The following MGMT variants were observed in gnomAD, a reference collection of about 807,000 sequenced individuals.
The protein encoded by MGMT is methylated-DNA--protein-cysteine methyltransferase.
Under a neutral mutation model 15.9 loss-of-function variants are expected in MGMT, and 14 were observed. The observed-to-expected ratio is 0.88, with a 90% CI of 0.58 to 1.37. The LOEUF is 1.37. Ranked by LOEUF, MGMT falls within the 40% of genes most tolerant of loss-of-function variation. The pLI is 0.00. For missense variants in MGMT, 282 were observed against 268.1 expected (o/e 1.05, Z -0.36); for synonymous variants, 130 against 118.2 (o/e 1.10, Z -0.65).
chr10:129,629,423 A>C (rs1477608465), intron 2 of MGMT, among the ~76,000 whole-genome samples: 2 of 152,148 alleles, frequency 1.3e-5, no homozygotes, highest in Non-Finnish European at 1.5e-5. Flanking sequence ...GTGGTAGTAC[A>C]TTTCACATCA....
chr10:129,525,886 T>C (rs1324332793), intron 1 of MGMT, among the ~76,000 whole-genome samples: 2 of 152,252 alleles, frequency 1.3e-5, no homozygotes, highest in Non-Finnish European at 2.9e-5. Context: ...GCTCCCGTGT[T>C]AGGCCCCCAC....
chr10:129,722,022 G>A (rs891351770), intron 3 of MGMT, among the ~76,000 whole-genome samples: 4 of 151,368 alleles, frequency 2.6e-5, no homozygotes, highest in Admixed American at 6.6e-5. Context: ...TTTTCTACTA[G>A]ACAAAAATAA....
At chr10:129,657,699 A>ACGCACG (rs1554874783) in intron 2 of MGMT, among the ~76,000 whole-genome samples, 1 of 124,816 alleles carries the variant, frequency 8.0e-6, no homozygotes, top group East Asian at 2.0e-4. Context: ...ACACACACAC[A>ACGCACG]CACACACGCA....
intron 2 of MGMT, among the ~76,000 whole-genome samples, chr10:129,559,150 T>C (rs1465782974): frequency 6.6e-6 from 1 of 152,148 alleles, no homozygotes; most frequent in Non-Finnish European, 1.5e-5. Context: ...AATCTTTAAC[T>C]CTCCTTAGGT....
intron 2 of MGMT, among the ~76,000 whole-genome samples, chr10:129,620,360 G>A (rs1370491238): frequency 1.3e-5 from 2 of 152,182 alleles, no homozygotes; most frequent in Non-Finnish European, 2.9e-5. Flanking sequence ...GGTTGTTTTG[G>A]CGTGTTGTGC....
intron 2 of MGMT, among the ~76,000 whole-genome samples, chr10:129,586,437 A>G (rs1037976470): frequency 3.9e-5 from 6 of 152,176 alleles, no homozygotes; most frequent in Admixed American, 3.3e-4. Flanking sequence ...GCACATATAT[A>G]CATATATATT....
chr10:129,674,353 C>T (rs923092191), intron 2 of MGMT, among the ~76,000 whole-genome samples: 6 of 152,170 alleles, frequency 3.9e-5, no homozygotes, highest in Non-Finnish European at 7.3e-5. Flanking sequence ...TTCAGTGCCA[C>T]ACACGTTAGC....
intron 2 of MGMT, among the ~76,000 whole-genome samples, chr10:129,694,859 C>T (rs575942019): frequency 1.3e-5 from 2 of 152,236 alleles, no homozygotes; most frequent in Admixed American, 1.3e-4. Context: ...AACTGAAAAC[C>T]CTGAGTTTCA....
chr10:129,643,204 A>C (rs1278831071), intron 2 of MGMT, among the ~76,000 whole-genome samples: 2 of 152,156 alleles, frequency 1.3e-5, no homozygotes, highest in Non-Finnish European at 1.5e-5. Flanking sequence ...CCTGAGGTTA[A>C]GCGTCCCCCA....
intron 2 of MGMT, among the ~76,000 whole-genome samples, chr10:129,567,946 C>T (rs947809073): frequency 5.3e-5 from 8 of 152,196 alleles, no homozygotes; most frequent in African/African-American, 1.9e-4. Flanking sequence ...AGAGGTTTTC[C>T]TGGATTTGTC....
chr10:129,720,402 A>G (rs1196955331), intron 3 of MGMT, among the ~76,000 whole-genome samples: 7 of 152,298 alleles, frequency 4.6e-5, no homozygotes, highest in Non-Finnish European at 4.4e-5. Context: ...GGCTCAGCAC[A>G]GCCCTCGCGG....
intron 2 of MGMT, among the ~76,000 whole-genome samples, chr10:129,609,291 G>A (rs576924144): frequency 6.7e-6 from 1 of 150,080 alleles, no homozygotes; most frequent in African/African-American, 2.5e-5. Context: ...TCGTTGGCCC[G>A]ATCTGGAGCC....
At chr10:129,666,658 T>C (rs2133109436) in intron 2 of MGMT, among the ~76,000 whole-genome samples, 1 of 152,362 alleles carries the variant, frequency 6.6e-6, no homozygotes, top group African/African-American at 2.4e-5. Flanking sequence ...TTATTCTCTT[T>C]AACTTTCTCT....
At chr10:129,711,458 G>C (rs966209702) in intron 3 of MGMT, among the ~76,000 whole-genome samples, 2 of 152,194 alleles carry the variant, frequency 1.3e-5, no homozygotes, top group African/African-American at 4.8e-5. Flanking sequence ...TGTGAGGTTG[G>C]GACAGGTGGG....
chr10:129,670,669 T>C (rs1847710832), intron 2 of MGMT, among the ~76,000 whole-genome samples: 1 of 152,130 alleles, frequency 6.6e-6, no homozygotes, highest in East Asian at 1.9e-4. Context: ...TAAGAGGAAA[T>C]AAGTACAGAT....
chr10:129,606,663 G>A (rs1464110484), intron 2 of MGMT, among the ~76,000 whole-genome samples: 2 of 152,116 alleles, frequency 1.3e-5, no homozygotes, highest in African/African-American at 2.4e-5. Flanking sequence ...GTGGAGCCCC[G>A]GTAATTAAAG....
chr10:129,662,334 C>T (rs1280289254), intron 2 of MGMT, among the ~76,000 whole-genome samples: 1 of 152,138 alleles, frequency 6.6e-6, no homozygotes, highest in Non-Finnish European at 1.5e-5. Flanking sequence ...GACCAGTCAT[C>T]CCAGCTCGCC....
At chr10:129,754,906 T>C (rs1848788128) in intron 3 of MGMT, among the ~76,000 whole-genome samples, 1 of 123,282 alleles carries the variant, frequency 8.1e-6, no homozygotes, top group African/African-American at 3.7e-5. Context: ...GGTGATGCTT[T>C]TCCTTCCTCA....
intron 1 of MGMT, among the ~76,000 whole-genome samples, chr10:129,509,427 G>A (rs1845658897): frequency 6.6e-6 from 1 of 152,178 alleles, no homozygotes; most frequent in African/African-American, 2.4e-5. Context: ...CTCTGTGTGT[G>A]TGCCTGGCAC....
Sources: allele counts gnomAD v4.1 joint callset (sites outside exome capture counted in the v4.1 genomes callset), GRCh38; gene constraint gnomAD v4.1.1; transcripts MANE v1.5; gene names NCBI Gene and HGNC (gene_info 2026-07-23, HGNC 2026-07-21).